The following DCC variants were observed in gnomAD, a reference collection of about 807,000 sequenced individuals.
DCC encodes DCC netrin 1 receptor.
A neutral mutation model predicts 172.5 loss-of-function variants in DCC; 58 were observed. That is an observed-to-expected ratio of 0.34 (90% CI 0.27 to 0.42). The LOEUF is 0.42. Ranked by LOEUF, DCC falls within the 10% of genes least tolerant of loss-of-function variation. The probability of loss-of-function intolerance (pLI) is 1.00; values close to 1 mark genes in which losing one functional copy is unlikely to be tolerated. For missense variants in DCC, 1,740 were observed against 1,791.0 expected, an observed-to-expected ratio of 0.97 and a Z score of 0.51; for synonymous variants, 709 against 644.5, an observed-to-expected ratio of 1.10 and a Z score of -1.52.
At chr18:52,561,143 C>A (rs1304609608) in intron 1 of DCC, among the ~76,000 whole-genome samples, 3 of 151,682 alleles carry the variant, frequency 2.0e-5, no homozygotes, top group Non-Finnish European at 4.4e-5. Context: ...TGATGATTTA[C>A]AAATGTACAG....
intron 1 of DCC, among the ~76,000 whole-genome samples, chr18:52,744,918 C>G (rs1022303598): frequency 6.6e-6 from 1 of 152,126 alleles, no homozygotes. Context: ...TTGGAAGAGG[C>G]TTGTAGTTAT....
In DCC at chr18:53,328,606, C is replaced by T. The variant is rs111381014; in HGVS notation, c.2164+6449C>T. ...CTGGAGTGCAATGGTGTGATCTCGG[C>T]TCACTGCAACTTTCACCTCTCGGGT... On this transcript the variant is annotated intron_variant, in intron 14 of 28. Coordinates refer to ENST00000442544, the MANE Select transcript of DCC (RefSeq NM_005215.4). 5.7e-3 allele frequency among the ~76,000 whole-genome samples: 856 copies of T among 151,038 alleles called. 7 individuals are homozygous for T. Among genetic ancestry groups the T allele is most frequent in the African/African-American group, 0.02 (811 of 41,050 alleles).
At chr18:53,445,805 A>G (rs762572215) in intron 22 of DCC, among the ~76,000 whole-genome samples, 5 of 152,216 alleles carry the variant, frequency 3.3e-5, no homozygotes, top group Admixed American at 6.5e-5. Flanking sequence ...TGGAATGCCC[A>G]TGAGATGGTA....
chr18:52,521,795 C>G (rs965615727), intron 1 of DCC, among the ~76,000 whole-genome samples: 2 of 152,098 alleles, frequency 1.3e-5, no homozygotes, highest in Non-Finnish European at 2.9e-5. Context: ...TCTATGTTGA[C>G]TAAAGGTGAC....
At chr18:53,501,464 A>ATCAT (rs1483058159) in intron 27 of DCC, among the ~76,000 whole-genome samples, 1 of 152,258 alleles carries the variant, frequency 6.6e-6, no homozygotes, top group African/African-American at 2.4e-5. Context: ...ATTAAATTAA[A>ATCAT]TCATTAGAAG....
intron 1 of DCC, among the ~76,000 whole-genome samples, chr18:52,417,981 A>G (rs1400371651): frequency 6.6e-6 from 1 of 152,204 alleles, no homozygotes; most frequent in Non-Finnish European, 1.5e-5. Flanking sequence ...ATCATCTGTC[A>G]TTAATTCTTC....
At chr18:53,390,000 TAAAGC>T (rs1294366381) in intron 16 of DCC, among the ~76,000 whole-genome samples, 3 of 152,202 alleles carry the variant, frequency 2.0e-5, no homozygotes, top group Non-Finnish European at 4.4e-5. Flanking sequence ...GTTCTTCTTG[TAAAGC>T]CAGCTAAAAC....
intron 2 of DCC, among the ~76,000 whole-genome samples, chr18:52,903,749 C>T (rs187739960): frequency 6.6e-6 from 1 of 152,272 alleles, no homozygotes; most frequent in East Asian, 1.9e-4. Context: ...GTGCGAAACT[C>T]ATTGCCCTAC....
intron 5 of DCC, among the ~76,000 whole-genome samples, chr18:52,985,664 A>G (rs1331302486): frequency 6.6e-6 from 1 of 151,690 alleles, no homozygotes; most frequent in African/African-American, 2.4e-5. Flanking sequence ...CTTATTTACT[A>G]TGTCTTTTTT....
intron 15 of DCC, among the ~76,000 whole-genome samples, chr18:53,350,511 A>T (rs891121935): frequency 6.6e-6 from 1 of 152,178 alleles, no homozygotes; most frequent in African/African-American, 2.4e-5. Flanking sequence ...AGCATACAAA[A>T]AAGTAAATAA....
At chr18:53,521,562 T>C (rs1310269696) in intron 27 of DCC, among the ~76,000 whole-genome samples, 4 of 152,170 alleles carry the variant, frequency 2.6e-5, no homozygotes, top group Non-Finnish European at 2.9e-5. Context: ...TCTGGTATAT[T>C]CTAAAAGAAT....
At chr18:53,511,402 T>TTGTTTGC (rs1262092087) in intron 27 of DCC, among the ~76,000 whole-genome samples, 5 of 152,236 alleles carry the variant, frequency 3.3e-5, no homozygotes, top group African/African-American at 1.2e-4. Flanking sequence ...AGGCCTTGCC[T>TTGTTTGC]TGTTTGCTTA....
At chr18:52,479,064 T>C (rs78329366) in intron 1 of DCC, among the ~76,000 whole-genome samples, 3 of 152,314 alleles carry the variant, frequency 2.0e-5, no homozygotes, top group Admixed American at 2.0e-4. Context: ...TTTGGACAAG[T>C]TAGTTACATT....
At chr18:52,348,410 A>G (rs897381033) in intron 1 of DCC, among the ~76,000 whole-genome samples, 1 of 151,840 alleles carries the variant, frequency 6.6e-6, no homozygotes, top group African/African-American at 2.4e-5. Flanking sequence ...AGTTACTGAA[A>G]CCCCCACCAG....
At chr18:52,942,580 G>T (rs2040480926) in intron 5 of DCC, among the ~76,000 whole-genome samples, 1 of 152,172 alleles carries the variant, frequency 6.6e-6, no homozygotes, top group South Asian at 2.1e-4. Flanking sequence ...GGGGCAAAAG[G>T]CACTTCTTAC....
intron 15 of DCC, among the ~76,000 whole-genome samples, chr18:53,349,320 T>C (rs1479833835): frequency 6.6e-6 from 1 of 152,230 alleles, no homozygotes; most frequent in Non-Finnish European, 1.5e-5. Context: ...CACCTCAGCC[T>C]GGACTTTATT....
intron 1 of DCC, among the ~76,000 whole-genome samples, chr18:52,493,603 T>C (rs1203567453): frequency 1.3e-5 from 2 of 152,064 alleles, no homozygotes; most frequent in Non-Finnish European, 1.5e-5. Context: ...TTTATTTGTT[T>C]TCTATTTGCC....
chr18:52,927,793 G>GAGAAAT (rs2040243222), intron 5 of DCC, among the ~76,000 whole-genome samples: 1 of 152,058 alleles, frequency 6.6e-6, no homozygotes, highest in African/African-American at 2.4e-5. Context: ...AAAAGAGAAA[G>GAGAAAT]AGAATGTTTA....
chr18:53,087,794 G>A (rs1236984303), intron 7 of DCC, among the ~76,000 whole-genome samples: 1 of 152,160 alleles, frequency 6.6e-6, no homozygotes, highest in Non-Finnish European at 1.5e-5. Flanking sequence ...GTGTAAGGAA[G>A]GGGTTCAGTT....
Sources: allele counts gnomAD v4.1 joint callset (sites outside exome capture counted in the v4.1 genomes callset), GRCh38; gene constraint gnomAD v4.1.1; transcripts MANE v1.5; gene names NCBI Gene and HGNC (gene_info 2026-07-23, HGNC 2026-07-21).